SRBD1: variants seen among roughly 807,000 people sequenced by gnomAD.
The protein encoded by SRBD1 is S1 RNA binding domain 1.
A neutral mutation model predicts 115.3 loss-of-function variants in SRBD1; 88 were observed. That is an observed-to-expected ratio of 0.76 (90% confidence interval 0.64 to 0.91). The LOEUF (loss-of-function observed/expected upper bound fraction) is 0.91. SRBD1 is among the 40% of genes least tolerant of loss of function. The pLI is 0.00. For missense variants in SRBD1, 1,385 were observed against 1,177.4 expected, an observed-to-expected ratio of 1.18 and a Z score of -2.58; for synonymous variants, 509 against 407.7, an observed-to-expected ratio of 1.25 and a Z score of -2.99.
chr2:45,398,820 T>G (rs1400003230), intron 19 of SRBD1, among the ~76,000 whole-genome samples: 1 of 152,140 alleles, frequency 6.6e-6, no homozygotes, highest in Non-Finnish European at 1.5e-5. Context: ...ATTATGCAAC[T>G]TTCCCTATTT....
intron 5 of SRBD1, among the ~76,000 whole-genome samples, chr2:45,585,361 C>T (rs1673485571): frequency 6.6e-6 from 1 of 152,172 alleles, no homozygotes; most frequent in African/African-American, 2.4e-5. Context: ...AAGAAGATGA[C>T]AGTCAAACTC....
chr2:45,513,311 A>C (rs1001576814), intron 14 of SRBD1, among the ~76,000 whole-genome samples: 1 of 152,156 alleles, frequency 6.6e-6, no homozygotes, highest in African/African-American at 2.4e-5. Flanking sequence ...AGGCTCAAAA[A>C]AGATGTCCAG....
At chr2:45,585,151 G>GA (rs532306209) in intron 5 of SRBD1, among the ~76,000 whole-genome samples, 5,770 of 137,602 alleles carry the variant, frequency 0.042, 132 homozygotes, top group South Asian at 0.093. Flanking sequence ...CTCTGTCTCC[G>GA]AAAAAAAAAA....
At chr2:45,571,544 T>C (rs200398014) in intron 9 of SRBD1, among the ~76,000 whole-genome samples, 5 of 70,118 alleles carry the variant, frequency 7.1e-5, no homozygotes, top group Admixed American at 1.5e-4. Flanking sequence ...AAAAAAAAAC[T>C]GTCCATGAGG....
At chr2:45,546,694 T>C (rs1204490258) in intron 14 of SRBD1, 38 bp downstream of exon 14, 1 of 1,596,198 alleles carries the variant, frequency 6.3e-7, no homozygotes, top group Admixed American at 1.7e-5. Flanking sequence ...AAAGTTCCCA[T>C]GCTTCTCCAA....
intron 18 of SRBD1, among the ~76,000 whole-genome samples, chr2:45,416,034 C>A (rs1667822490): frequency 6.6e-6 from 1 of 151,580 alleles, no homozygotes; most frequent in African/African-American, 2.4e-5. Flanking sequence ...GATGGGAAAA[C>A]AAGGAGAGAA....
chr2:45,510,904 T>C (rs963936288), intron 14 of SRBD1, among the ~76,000 whole-genome samples: 4 of 152,224 alleles, frequency 2.6e-5, no homozygotes, highest in Non-Finnish European at 4.4e-5. Flanking sequence ...AACTCCTTTT[T>C]GAAAGGCTTT....
intron 19 of SRBD1, among the ~76,000 whole-genome samples, chr2:45,410,702 C>A (rs926409938): frequency 6.6e-6 from 1 of 152,198 alleles, no homozygotes; most frequent in Non-Finnish European, 1.5e-5. Flanking sequence ...AGACCCCCAA[C>A]CTCCAGGGAG....
chr2:45,500,513 C>G (rs1289926435), intron 14 of SRBD1, among the ~76,000 whole-genome samples: 2 of 152,010 alleles, frequency 1.3e-5, no homozygotes, highest in African/African-American at 2.4e-5. Flanking sequence ...ACCTCCACCT[C>G]CCACACTCAA....
At chr2:45,531,066 T>C (rs566290005) in intron 14 of SRBD1, among the ~76,000 whole-genome samples, 39 of 152,002 alleles carry the variant, frequency 2.6e-4, no homozygotes, top group African/African-American at 8.7e-4. Flanking sequence ...TCTCTCTTCA[T>C]AAAACCCCAA....
At chr2:45,585,356 G>C (rs1437615185) in intron 5 of SRBD1, among the ~76,000 whole-genome samples, 1 of 152,154 alleles carries the variant, frequency 6.6e-6, no homozygotes, top group Non-Finnish European at 1.5e-5. Context: ...TATGAAAGAA[G>C]ATGACAGTCA....
intron 19 of SRBD1, among the ~76,000 whole-genome samples, chr2:45,408,297 C>A (rs1667495585): frequency 6.6e-6 from 1 of 152,168 alleles, no homozygotes; most frequent in South Asian, 2.1e-4. Context: ...AAATTACTAT[C>A]ACAGTTCCAA....
intron 9 of SRBD1, among the ~76,000 whole-genome samples, chr2:45,570,599 G>A (rs533075306): frequency 3.3e-5 from 5 of 152,152 alleles, no homozygotes; most frequent in South Asian, 2.1e-4. Context: ...TAACTTTTTC[G>A]CAACTATGGA....
chr2:45,494,576 T>C (rs1372400781), intron 14 of SRBD1, among the ~76,000 whole-genome samples: 1 of 152,154 alleles, frequency 6.6e-6, no homozygotes, highest in African/African-American at 2.4e-5. Flanking sequence ...AAGAAGCAAA[T>C]GAATGATTAA....
chr2:45,530,046 C>A (rs191448542), intron 14 of SRBD1, among the ~76,000 whole-genome samples: 7 of 151,926 alleles, frequency 4.6e-5, no homozygotes, highest in Admixed American at 2.0e-4. Context: ...TAAATTCAAA[C>A]CAGGAATTAG....
chr2:45,476,791 T>G (rs188228362), intron 16 of SRBD1, among the ~76,000 whole-genome samples: 11 of 152,316 alleles, frequency 7.2e-5, no homozygotes, highest in Admixed American at 7.2e-4. Flanking sequence ...TTCTAAGTCT[T>G]AATCAAAATC....
intron 14 of SRBD1, among the ~76,000 whole-genome samples, chr2:45,511,266 G>A (rs544148345): frequency 1.9e-4 from 29 of 152,250 alleles, no homozygotes; most frequent in African/African-American, 6.7e-4. Context: ...GCGTATCTTC[G>A]GAAACTGACT....
intron 16 of SRBD1, among the ~76,000 whole-genome samples, chr2:45,422,352 G>A (rs768274742): frequency 1.3e-5 from 2 of 152,120 alleles, no homozygotes; most frequent in Non-Finnish European, 2.9e-5. Flanking sequence ...TTTCTGCAAG[G>A]CCATATGCTT....
At position 45,604,702 on chromosome 2, in the gene SRBD1, G is replaced by T. The variant is rs1357916216; in HGVS notation, c.80+660C>A. Among the ~76,000 whole-genome samples, 3 of 152,086 alleles carry T rather than the reference G, an allele frequency of 2.0e-5. No homozygotes were observed. In the East Asian group the frequency reaches 5.8e-4, roughly 29 times the overall value. On this transcript the variant is annotated intron_variant, in intron 2 of 20. Coordinates refer to ENST00000263736, the MANE Select transcript of SRBD1 (RefSeq NM_018079.5). Reference sequence around the variant, plus strand: ...CCCCCAAATCTCATCTAGATCTCTTGCCACATCTTCCGCAATAACTTTCTG... The same window carrying T: ...CCCCCAAATCTCATCTAGATCTCTTTCCACATCTTCCGCAATAACTTTCTG...
Sources: gnomAD v4.1 joint callset for allele counts (sites outside exome capture counted in the v4.1 genomes callset) on GRCh38, gnomAD v4.1.1 for gene constraint, MANE v1.5 for transcripts, NCBI Gene and HGNC (gene_info 2026-07-23, HGNC 2026-07-21) for gene names.